The following TRIP12 variants were observed in gnomAD, a reference collection of about 807,000 sequenced individuals.
TRIP12 encodes the protein E3 ubiquitin-protein ligase TRIP12.
A neutral mutation model predicts 244.2 loss-of-function variants in TRIP12; 25 were observed. The observed-to-expected ratio is 0.10, with a 90% CI of 0.07 to 0.14. The LOEUF (loss-of-function observed/expected upper bound fraction) is 0.14, where lower values mean the gene tolerates loss of function less well. Among genes scored for constraint, TRIP12 ranks in the 10% least tolerant of loss-of-function variants. TRIP12 has a pLI of 1.00. For synonymous variants in TRIP12, 905 were observed against 873.1 expected (o/e 1.04, Z -0.64); for missense variants, 1,677 against 2,486.4 (o/e 0.67, Z 6.92).
At position 229,764,845 on chromosome 2, in the gene TRIP12, A is replaced by G. The variant is rs1260291239; in HGVS notation, c.*2709T>C. On this transcript the variant is annotated 3_prime_UTR_variant, in exon 42 of 42. Transcript: ENST00000675903. ...AACCCAGTAAAGAGGGACTCCAAGC[A>G]TAATTACTTTCTTTATATCCTGCTA... The G allele has an allele frequency of 6.6e-6, 1 of 152,230 alleles. No homozygotes were observed. Among genetic ancestry groups the G allele is most frequent in the Non-Finnish European group, 1.5e-5 (1 of 68,034 alleles). The allele number at this position is 152,230 out of a possible 1,614,324, so 9.4% of individuals were successfully genotyped here.
At chr2:229,894,429 T>C (rs1164458262) in intron 1 of TRIP12, 1 of 152,166 alleles carries the variant, frequency 6.6e-6, no homozygotes, top group African/African-American at 2.4e-5. Flanking sequence ...TTACACAATT[T>C]AATATTGTTT....
intron 8 of TRIP12, among the ~76,000 whole-genome samples, chr2:229,819,644 T>G (rs2049484513): frequency 6.6e-6 from 1 of 152,230 alleles, no homozygotes; most frequent in Non-Finnish European, 1.5e-5. Context: ...AATTAACACT[T>G]AACCAATCTT....
chr2:229,841,234 C>A (rs1436868858), intron 4 of TRIP12, among the ~76,000 whole-genome samples: 1 of 152,040 alleles, frequency 6.6e-6, no homozygotes, highest in East Asian at 1.9e-4. Flanking sequence ...CTAACAAAGG[C>A]GAGTTTTTTT....
rs2031341351 is a variant in TRIP12, at chr2:229,764,984, G to A, written c.*2570C>T. ...AAAGGTTTCTGCTGGGTTTGGCTAAGGCATCTAAAACTCCGTGTCTGCTCC... is the reference window on the plus strand; with the variant it reads ...AAAGGTTTCTGCTGGGTTTGGCTAAAGCATCTAAAACTCCGTGTCTGCTCC... On this transcript the variant is annotated 3_prime_UTR_variant, in exon 42 of 42. Transcript: ENST00000675903. 1.3e-5 allele frequency: 2 copies of A among 152,166 alleles called. No individual in the cohort carries two copies. The highest frequency in any genetic ancestry group is 3.2e-3 in the Middle Eastern group (1 of 316). The allele number at this position is 152,166 out of a possible 1,614,324, so 9.4% of individuals were successfully genotyped here.
At chr2:229,776,593 C>T (rs2036325939) in intron 37 of TRIP12, among the ~76,000 whole-genome samples, 1 of 152,136 alleles carries the variant, frequency 6.6e-6, no homozygotes, top group African/African-American at 2.4e-5. Context: ...GTGACACTCT[C>T]CCTCACTACA....
At chr2:229,903,866 CAAAA>C (rs869205971) in intron 1 of TRIP12, among the ~76,000 whole-genome samples, 2 of 62,564 alleles carry the variant, frequency 3.2e-5, no homozygotes, top group African/African-American at 6.5e-5. Context: ...ACCAAAAATA[CAAAA>C]AAAAAAAAAA....
intron 30 of TRIP12, among the ~76,000 whole-genome samples, chr2:229,790,912 T>C (rs185111356): frequency 6.6e-6 from 1 of 152,380 alleles, no homozygotes; most frequent in East Asian, 1.9e-4. Flanking sequence ...TTTCCCAATT[T>C]TCCTTCCCAA....
In TRIP12 at chr2:229,814,265, A is replaced by G; in HGVS notation, c.1792T>C (p.Ser598Pro). The G allele has an allele frequency of 6.2e-7, 1 of 1,614,196 alleles. No homozygotes were observed. ...AGAATGGCTTTACTATGTCTCCGTG[A>G]CAACATCTCCAAGGCAGTCAAGGCC... The part of the protein sequence containing the change: ...EQALTALEML[S>P]RRHSKAILQA... The change falls in exon 12 of 42, where the codon TCA becomes CCA. Residue 598 changes from serine (S) to proline (P), a missense_variant. Ser to Pro is a moderately conservative substitution (Grantham distance 74, BLOSUM62 -1). This residue lies in a region of TRIP12 where 572 missense variants were observed against 867.8 expected (regional missense o/e 0.66). Coordinates refer to ENST00000675903, the MANE Select transcript of TRIP12 (RefSeq NM_001348323.3).
intron 7 of TRIP12, among the ~76,000 whole-genome samples, 189 bp from the exon 8 acceptor site, chr2:229,829,477 T>A (rs2052708252): frequency 2.0e-5 from 3 of 152,234 alleles, no homozygotes; most frequent in Admixed American, 1.3e-4. Flanking sequence ...CCAGCAGGAA[T>A]GTGTAAATAT....
intron 21 of TRIP12, among the ~76,000 whole-genome samples, chr2:229,800,580 A>T (rs1450416170): frequency 6.6e-6 from 1 of 152,210 alleles, no homozygotes; most frequent in East Asian, 1.9e-4. Flanking sequence ...ATGTAATTAA[A>T]CAATTTTCAT....
chr2:229,787,485 G>A lies in TRIP12; in HGVS notation c.4995+20C>T. The A allele has an allele frequency of 3.1e-6, 5 of 1,591,814 alleles. No homozygotes were observed. Among genetic ancestry groups the A allele is most frequent in the Non-Finnish European group, 4.3e-6 (5 of 1,172,896 alleles). On this transcript the variant is annotated intron_variant, in intron 33 of 41. Coordinates refer to ENST00000675903, the MANE Select transcript of TRIP12 (RefSeq NM_001348323.3). ...TTTTGAAAAGCTCAGATTATTTAAA[G>A]ATTTTGGGGAGAAACTTACTTTTTT...
intron 3 of TRIP12, 95 bp from the exon 4 acceptor site, chr2:229,859,669 C>A: frequency 3.8e-6 from 5 of 1,312,356 alleles, no homozygotes; most frequent in Non-Finnish European, 5.2e-6. Flanking sequence ...GAATATGTTC[C>A]TACTAAGTCC....
At chr2:229,769,038 C>A (rs903474985) in intron 40 of TRIP12, among the ~76,000 whole-genome samples, 193 bp downstream of exon 40, 1 of 152,228 alleles carries the variant, frequency 6.6e-6, no homozygotes, top group African/African-American at 2.4e-5. Context: ...GAAAGAAACC[C>A]TTGGGTCTTA....
At chr2:229,838,799 C>T (rs1473010500) in intron 5 of TRIP12, among the ~76,000 whole-genome samples, 1 of 152,100 alleles carries the variant, frequency 6.6e-6, no homozygotes, top group African/African-American at 2.4e-5. Context: ...GTACTAAATC[C>T]AGATATTTTA....
chr2:229,791,277 C>A (rs1193426804), intron 29 of TRIP12, 26 bp from the exon 30 acceptor site: 1 of 1,611,526 alleles, frequency 6.2e-7, no homozygotes, highest in African/African-American at 1.3e-5. Context: ...AGTATATAAA[C>A]CAAATGTAGA....
At chr2:229,917,799 T>C (rs2075780303) in intron 1 of TRIP12, among the ~76,000 whole-genome samples, 1 of 152,192 alleles carries the variant, frequency 6.6e-6, no homozygotes, top group Non-Finnish European at 1.5e-5. Context: ...CAAGCAATAC[T>C]TCCGCTTCAG....
chr2:229,913,240 T>A (rs966530981), intron 1 of TRIP12, among the ~76,000 whole-genome samples: 2 of 152,178 alleles, frequency 1.3e-5, no homozygotes, highest in Non-Finnish European at 2.9e-5. Flanking sequence ...CATTCTAATA[T>A]CAGATTTTCT....
At position 229,767,646 on chromosome 2, in the gene TRIP12, G is replaced by A; in HGVS notation, c.6112C>T (p.Leu2038Phe). The A allele has an allele frequency of 6.2e-7, 1 of 1,614,146 alleles. No individual in the cohort carries two copies. Among genetic ancestry groups the A allele is most frequent in the South Asian group, 1.1e-5 (1 of 91,078 alleles). The stretch of plus-strand genomic sequence containing the variant: ...ATGCTTGAATAGTCCGGCAACTTAA[G>A]ATAGTTCACACAAGTCATTACAGAG... ...LPSVMTCVNYLKLPDYSSIEI... is the reference protein window; with the variant it reads ...LPSVMTCVNYFKLPDYSSIEI... The change falls in exon 42 of 42, where the codon CTT (leucine) becomes TTT (phenylalanine). Residue 2038 changes from leucine (L) to phenylalanine (F), a missense_variant. By Grantham distance (22) the Leu-to-Phe change is conservative (BLOSUM62 0). Coordinates refer to ENST00000675903, the MANE Select transcript of TRIP12 (RefSeq NM_001348323.3).
At chr2:229,909,542 C>T (rs1375274696) in intron 1 of TRIP12, among the ~76,000 whole-genome samples, 2 of 147,996 alleles carry the variant, frequency 1.4e-5, no homozygotes, top group African/African-American at 2.5e-5. Context: ...TAGGTGACAG[C>T]GTTGAGACCT....
Sources: gnomAD v4.1 joint callset for allele counts (sites outside exome capture counted in the v4.1 genomes callset) on GRCh38, gnomAD v4.1.1 for gene constraint, gnomAD v4.1.1 regional missense constraint, MANE v1.5 for transcripts, NCBI Gene and HGNC (gene_info 2026-07-23, HGNC 2026-07-21) for gene names.